Variants in STAU1 observed in about 807,000 individuals in gnomAD.
STAU1 encodes the protein double-stranded RNA-binding protein Staufen homolog 1.
STAU1 carries 13 observed loss-of-function variants against 62.9 expected under a neutral mutation model. The observed-to-expected ratio is 0.21, with a 90% CI of 0.13 to 0.33. The LOEUF is 0.33. Ranked by LOEUF, STAU1 falls within the 10% of genes least tolerant of loss-of-function variation. The probability of loss-of-function intolerance (pLI) is 1.00; values close to 1 mark genes in which losing one functional copy is unlikely to be tolerated. For missense variants in STAU1, 571 were observed against 712.1 expected (o/e 0.80, Z 2.25); for synonymous variants, 269 against 265.1 (o/e 1.01, Z -0.14).
chr20:49,116,984 G>T, intron 12 of STAU1, 142 bp downstream of exon 12: 1 of 1,087,198 alleles, frequency 9.2e-7, no homozygotes, highest in Non-Finnish European at 1.3e-6. Flanking sequence ...TCAAAAATAT[G>T]AACACTATCA....
chr20:49,134,804 C>A, intron 6 of STAU1: 1 of 1,326,556 alleles, frequency 7.5e-7, no homozygotes, highest in Non-Finnish European at 1.1e-6. Flanking sequence ...TCCTGGAGAG[C>A]CTGGTTTTCC....
intron 3 of STAU1, among the ~76,000 whole-genome samples, chr20:49,157,894 A>G (rs1393146051): frequency 1.3e-5 from 2 of 152,194 alleles, no homozygotes; most frequent in East Asian, 3.9e-4. Flanking sequence ...AAGTGATAGG[A>G]TTTAAGGCAT....
the STAU1 span, among the ~76,000 whole-genome samples, chr20:49,194,435 AAAAAAAAAAAAAG>A: frequency 6.7e-6 from 1 of 148,424 alleles, no homozygotes; most frequent in East Asian, 2.0e-4. Flanking sequence ...GTCTCAAAAA[AAAAAAAAAAAAAG>A]AAAAGAAAAA....
At chr20:49,177,385 T>A (rs2093672978) in intron 1 of STAU1, among the ~76,000 whole-genome samples, 1 of 151,160 alleles carries the variant, frequency 6.6e-6, no homozygotes, top group South Asian at 2.1e-4. Context: ...AAATAAAATT[T>A]AAAAATTTAA....
intron 3 of STAU1, among the ~76,000 whole-genome samples, chr20:49,157,549 A>G (rs1043511719): frequency 6.6e-6 from 1 of 151,150 alleles, no homozygotes; most frequent in African/African-American, 2.4e-5. Flanking sequence ...GCATGATCTC[A>G]GCTCACTGCA....
At position 49,119,963 on chromosome 20, in the gene STAU1, G is replaced by C. The variant is rs756156703; in HGVS notation, c.1113+19C>G. 4.7e-5 allele frequency: 76 copies of C among 1,609,318 alleles called. No individual in the cohort carries two copies. The highest frequency in any genetic ancestry group is 6.3e-5 in the Non-Finnish European group (74 of 1,176,872). Reference sequence around the variant, plus strand: ...GAGGCGAGAGACCATCTTGCAATCAGAGAGCCCACAGCACTCACCTTCTCC... The same window carrying C: ...GAGGCGAGAGACCATCTTGCAATCACAGAGCCCACAGCACTCACCTTCTCC... On this transcript the variant is annotated intron_variant, in intron 9 of 13. Transcript: ENST00000371856.
the STAU1 span, among the ~76,000 whole-genome samples, chr20:49,211,138 C>T: frequency 6.6e-6 from 1 of 152,196 alleles, no homozygotes; most frequent in Non-Finnish European, 1.5e-5. Context: ...CACAATGTAG[C>T]ATGTATCTCA....
chr20:49,130,587 G>A (rs2092728401), intron 6 of STAU1, among the ~76,000 whole-genome samples: 1 of 151,842 alleles, frequency 6.6e-6, no homozygotes, highest in Admixed American at 6.6e-5. Context: ...TAATACTTTG[G>A]GTTTAAAAAA....
intron 2 of STAU1, among the ~76,000 whole-genome samples, chr20:49,167,416 T>C (rs546795774): frequency 5.5e-4 from 84 of 152,328 alleles, no homozygotes; most frequent in Middle Eastern, 3.4e-3. Flanking sequence ...ATTAAGCTAC[T>C]TGAGGAGTCC....
At chr20:49,192,327 CAG>C (rs1045870715), upstream of STAU1, among the ~76,000 whole-genome samples, 3 of 113,592 alleles carry the variant, frequency 2.6e-5, no homozygotes, top group Non-Finnish European at 5.2e-5. Context: ...GCCTGGGAAA[CAG>C]AGCGAGACTC....
chr20:49,205,629 G>T, the STAU1 span, among the ~76,000 whole-genome samples: 15 of 151,042 alleles, frequency 9.9e-5, no homozygotes, highest in South Asian at 3.1e-3. Flanking sequence ...CTCCCAAAGT[G>T]CTGGGATTAC....
chr20:49,125,198 C>G (rs1313334409), intron 6 of STAU1, among the ~76,000 whole-genome samples: 1 of 33,716 alleles, frequency 3.0e-5, no homozygotes, highest in Non-Finnish European at 5.7e-5. Context: ...CTCATTTTTG[C>G]AAAAAAAAAA....
At chr20:49,126,588 C>CAAAAAAAAACCAA (rs2092624563) in intron 6 of STAU1, among the ~76,000 whole-genome samples, 1 of 56,348 alleles carries the variant, frequency 1.8e-5, no homozygotes, top group African/African-American at 6.4e-5. Flanking sequence ...AAAAAAAAAA[C>CAAAAAAAAACCAA]AAAAAAAAAA....
rs568918629 is a variant in STAU1, at chr20:49,117,437, C to G, written c.1510-189G>C. Among the ~76,000 whole-genome samples the G allele has an allele frequency of 1.0e-3, 153 of 152,262 alleles. 1 individual carries two copies. Among genetic ancestry groups the G allele is most frequent in the African/African-American group, 3.5e-3 (147 of 41,548 alleles). ...GAACCTAGGTGTCTGCTCAGAAGCCCAAGACTGGGAGAAGCCATATCCTTT... is the reference window on the plus strand; with the variant it reads ...GAACCTAGGTGTCTGCTCAGAAGCCGAAGACTGGGAGAAGCCATATCCTTT... On this transcript the variant is annotated intron_variant, in intron 11 of 13. Transcript: ENST00000371856. This position sits in a 1 kb window ranked among gnomAD's most constrained non-coding sequence, Gnocchi z 4.6.
Position 49,166,184 on chromosome 20 carries a change from C to CACTTGA in STAU1, c.12_17dup (p.Val8_Gln9dup). On this transcript the variant is annotated inframe_insertion, in exon 3 of 14. Coordinates refer to ENST00000371856, the MANE Select transcript of STAU1 (RefSeq NM_017453.4). ...GAGCAGCAGATGGGTTCTGAACTTGCACTTGAACTTGAGACATGGTCACTT... is the reference window on the plus strand; with the variant it reads ...GAGCAGCAGATGGGTTCTGAACTTGCACTTGAACTTGAACTTGAGACATGGTCACTT... 1 of 1,614,136 alleles carries CACTTGA rather than the reference C, an allele frequency of 6.2e-7. No homozygotes were observed. Among genetic ancestry groups the CACTTGA allele is most frequent in the Non-Finnish European group, 8.5e-7 (1 of 1,180,024 alleles).
intron 3 of STAU1, among the ~76,000 whole-genome samples, chr20:49,163,419 C>CTTTTTTTTTTTTT (rs200864480): frequency 3.6e-5 from 3 of 82,422 alleles, no homozygotes; most frequent in Non-Finnish European, 6.7e-5. Flanking sequence ...GTGTTTAAAC[C>CTTTTTTTTTTTTT]TTTTTTTTTT....
chr20:49,149,251 A>AAAC (rs71337498), intron 5 of STAU1, among the ~76,000 whole-genome samples: 5 of 131,940 alleles, frequency 3.8e-5, no homozygotes, highest in African/African-American at 1.5e-4. Context: ...ACTGTCTCAA[A>AAAC]ACACACACAC....
chr20:49,149,125 C>T (rs999765581), intron 5 of STAU1, among the ~76,000 whole-genome samples: 1 of 152,110 alleles, frequency 6.6e-6, no homozygotes, highest in Non-Finnish European at 1.5e-5. Flanking sequence ...GTGGTGAGCA[C>T]CTGTAGTCCC....
intron 6 of STAU1, among the ~76,000 whole-genome samples, chr20:49,125,204 A>AAAAAAC (rs1319080747): frequency 1.5e-5 from 2 of 131,406 alleles, no homozygotes; most frequent in African/African-American, 6.9e-5. Context: ...TTTGCAAAAA[A>AAAAAAC]AAAAAAAAAA....
Sources: allele counts gnomAD v4.1 joint callset (sites outside exome capture counted in the v4.1 genomes callset), GRCh38; gene constraint gnomAD v4.1.1; non-coding constraint Gnocchi (gnomAD v3.1); transcripts MANE v1.5; gene names NCBI Gene and HGNC (gene_info 2026-07-23, HGNC 2026-07-21).